CPA6: variants seen among roughly 807,000 people sequenced by gnomAD.
CPA6 encodes carboxypeptidase B.
CPA6 carries 58 observed loss-of-function variants against 63.3 expected under a neutral mutation model. The ratio of observed to expected loss-of-function variants is 0.92; its 90% CI spans 0.74 to 1.14. CPA6 has a LOEUF of 1.14. Among genes scored for constraint, CPA6 ranks in the 50% most tolerant of loss-of-function variants. The pLI, the probability that CPA6 is intolerant of heterozygous loss-of-function variation, is 0.00. For synonymous variants in CPA6, 185 were observed against 179.0 expected, an observed-to-expected ratio of 1.03 and a Z score of -0.27; for missense variants, 565 against 526.6, an observed-to-expected ratio of 1.07 and a Z score of -0.71.
chr8:67,525,880 G>T (rs777257811), intron 2 of CPA6, among the ~76,000 whole-genome samples: 3 of 152,188 alleles, frequency 2.0e-5, no homozygotes, highest in African/African-American at 4.8e-5. Flanking sequence ...AAAGCAGAGG[G>T]GTGGTGGGGT....
intron 8 of CPA6, among the ~76,000 whole-genome samples, chr8:67,464,860 T>C (rs779200871): frequency 1.3e-5 from 2 of 152,184 alleles, no homozygotes; most frequent in Non-Finnish European, 2.9e-5. Flanking sequence ...TTTGTTCCAT[T>C]GGTTGATACA....
intron 1 of CPA6, among the ~76,000 whole-genome samples, chr8:67,636,320 T>C (rs1274454678): frequency 6.6e-6 from 1 of 151,546 alleles, no homozygotes; most frequent in Non-Finnish European, 1.5e-5. Flanking sequence ...AACCAACTTT[T>C]AAGCTTGTTC....
At chr8:67,511,497 G>C in intron 4 of CPA6, 44 bp downstream of exon 4, 1 of 1,078,900 alleles carries the variant, frequency 9.3e-7, no homozygotes. Context: ...AAATGATAAA[G>C]ATGACTCTGT....
chr8:67,651,595 C>A (rs1468750499), intron 1 of CPA6, among the ~76,000 whole-genome samples: 1 of 152,116 alleles, frequency 6.6e-6, no homozygotes, highest in Non-Finnish European at 1.5e-5. Context: ...AAGAAACACA[C>A]TCATTGTATT....
At chr8:67,610,862 G>A (rs984931948) in intron 2 of CPA6, among the ~76,000 whole-genome samples, 1 of 152,136 alleles carries the variant, frequency 6.6e-6, no homozygotes, top group African/African-American at 2.4e-5. Flanking sequence ...CTGCAGAGTG[G>A]AAAAACAGAG....
rs1277121732 is a variant in CPA6, at chr8:67,511,613, G to T, written c.360C>A (p.Ser120Arg). The change falls in exon 4 of 11, where the codon AGC (serine) becomes AGA (arginine). Residue 120 changes from serine to arginine, a missense_variant. By Grantham distance (110) the Ser-to-Arg change is moderately radical. Transcript: ENST00000297770. ...TTCGGTTTCTCTGGGTGTGCAAGCT[G>T]CTTCCCTTCTCCAGTGTTTTCTGAA... Reference protein sequence around the residue: ...EDLQKTLEKGSSLHTQRNRRS... With the variant: ...EDLQKTLEKGRSLHTQRNRRS... 1.2e-6 allele frequency: 2 copies of T among 1,612,218 alleles called. No individual in the cohort carries two copies. Among genetic ancestry groups the T allele is most frequent in the African/African-American group, 1.3e-5 (1 of 74,846 alleles).
At position 67,467,865 on chromosome 8, in the gene CPA6, C is replaced by T. The variant is rs575951701; in HGVS notation, c.838+15903G>A. 9.3e-5 allele frequency among the ~76,000 whole-genome samples: 13 copies of T among 139,500 alleles called. 1 individual carries two copies. The highest frequency in any genetic ancestry group is 2.2e-4 in the South Asian group (1 of 4,506). 91.5% of individuals were successfully genotyped at this position (139,500 alleles called of 152,430 possible). On this transcript the variant is annotated intron_variant, in intron 8 of 10. Coordinates refer to ENST00000297770, the MANE Select transcript of CPA6 (RefSeq NM_020361.5). ...TAAAAATACAAAAATTAAGCCTGGG[C>T]GACAAGAGCGAAACCCCGTCTAAAA... is the stretch of plus-strand genomic sequence containing the variant.
At chr8:67,587,505 C>T (rs555308993) in intron 2 of CPA6, among the ~76,000 whole-genome samples, 51 of 152,166 alleles carry the variant, frequency 3.4e-4, no homozygotes, top group Admixed American at 1.8e-3. Flanking sequence ...TGTAAGGTGG[C>T]CTTTTTTTTG....
At chr8:67,626,601 G>C (rs556911942) in intron 1 of CPA6, among the ~76,000 whole-genome samples, 1 of 152,244 alleles carries the variant, frequency 6.6e-6, no homozygotes, top group South Asian at 2.1e-4. Flanking sequence ...TATAACCTTT[G>C]GAATTTAAAT....
intron 2 of CPA6, among the ~76,000 whole-genome samples, chr8:67,564,241 T>C (rs527724673): frequency 1.3e-5 from 2 of 152,256 alleles, no homozygotes; most frequent in East Asian, 3.9e-4. Context: ...AGGATTAAAG[T>C]TTGCCATTTC....
chr8:67,685,488 G>A (rs551853904), intron 1 of CPA6, among the ~76,000 whole-genome samples: 8 of 152,234 alleles, frequency 5.3e-5, no homozygotes, highest in Non-Finnish European at 8.8e-5. Context: ...GCATGGTGGC[G>A]GGCGCCTGTA....
intron 2 of CPA6, among the ~76,000 whole-genome samples, chr8:67,552,642 A>G (rs1261187704): frequency 6.6e-6 from 1 of 151,828 alleles, no homozygotes; most frequent in Non-Finnish European, 1.5e-5. Flanking sequence ...ACGTGGTGGC[A>G]CGTGCCTGTA....
intron 8 of CPA6, among the ~76,000 whole-genome samples, chr8:67,438,884 A>G (rs868787105): frequency 9.9e-5 from 15 of 152,222 alleles, no homozygotes; most frequent in Non-Finnish European, 1.0e-4. Context: ...AAACTTAAGT[A>G]TGAGTCTTAA....
rs550693635 is a variant in CPA6 at position 67,587,353 on chromosome 8, C to T, written c.192+36823G>A. Among the ~76,000 whole-genome samples the T allele has an allele frequency of 1.0e-3, 157 of 152,186 alleles. 1 individual carries two copies. The highest frequency in any genetic ancestry group is 3.7e-3 in the African/African-American group (152 of 41,530). On this transcript the variant is annotated intron_variant, in intron 2 of 10. Transcript: ENST00000297770. The stretch of plus-strand genomic sequence containing the variant: ...TTCTAAGGGGTTGAGGGGAAAAATG[C>T]CTGTTGGGGATCAGTATCCTCCTAA...
chr8:67,687,878 G>A (rs1324989744), intron 1 of CPA6, among the ~76,000 whole-genome samples: 1 of 152,082 alleles, frequency 6.6e-6, no homozygotes, highest in African/African-American at 2.4e-5. Flanking sequence ...TCAAATGCAA[G>A]GTTTTGTAAG....
At chr8:67,621,386 G>T (rs141075291) in intron 2 of CPA6, among the ~76,000 whole-genome samples, 18 of 152,184 alleles carry the variant, frequency 1.2e-4, no homozygotes, top group Non-Finnish European at 2.4e-4. Context: ...AAATGATAAT[G>T]ATAATGATCA....
At chr8:67,588,352 G>C (rs777965364) in intron 2 of CPA6, among the ~76,000 whole-genome samples, 1 of 152,154 alleles carries the variant, frequency 6.6e-6, no homozygotes, top group Non-Finnish European at 1.5e-5. Context: ...ATACTACTGC[G>C]GGTAGGCCTA....
chr8:67,592,633 G>C (rs1365161846), intron 2 of CPA6, among the ~76,000 whole-genome samples: 1 of 151,794 alleles, frequency 6.6e-6, no homozygotes, highest in African/African-American at 2.4e-5. Context: ...TATGTGTCGA[G>C]GAATTTATCC....
chr8:67,568,270 A>AAAAC (rs372894005), intron 2 of CPA6, among the ~76,000 whole-genome samples: 135 of 152,358 alleles, frequency 8.9e-4, no homozygotes, highest in African/African-American at 3.0e-3. Flanking sequence ...TGATACCTCC[A>AAAAC]AAACAAACAA....
Sources: gnomAD v4.1 joint callset for allele counts (sites outside exome capture counted in the v4.1 genomes callset) on GRCh38, gnomAD v4.1.1 for gene constraint, MANE v1.5 for transcripts, NCBI Gene and HGNC (gene_info 2026-07-23, HGNC 2026-07-21) for gene names.